NRXN1: variants seen among roughly 807,000 people sequenced by gnomAD.
The protein encoded by NRXN1 is neurexin-1.
NRXN1 carries 39 observed loss-of-function variants against 150.9 expected under a neutral mutation model. The ratio of observed to expected loss-of-function variants is 0.26; its 90% CI spans 0.20 to 0.34. The LOEUF (loss-of-function observed/expected upper bound fraction) is 0.34, where lower values mean the gene tolerates loss of function less well. Ranked by LOEUF, NRXN1 falls within the 10% of genes least tolerant of loss-of-function variation. The pLI, the probability that NRXN1 is intolerant of heterozygous loss-of-function variation, is 1.00. For synonymous variants in NRXN1, 924 were observed against 757.0 expected (o/e 1.22, Z -3.62); for missense variants, 1,815 against 1,949.9 (o/e 0.93, Z 1.30).
At chr2:50,981,911 AT>A (rs1278176711) in intron 2 of NRXN1, among the ~76,000 whole-genome samples, 8 of 151,944 alleles carry the variant, frequency 5.3e-5, no homozygotes, top group Non-Finnish European at 4.4e-5. Context: ...ACAATGGTTA[AT>A]GGTATTAATA....
chr2:50,671,092 A>G (rs1043970655), intron 5 of NRXN1, among the ~76,000 whole-genome samples: 2 of 151,758 alleles, frequency 1.3e-5, no homozygotes, highest in Non-Finnish European at 3.0e-5. Context: ...TCTTTTTTGT[A>G]ATTCAAAATG....
At chr2:50,083,295 C>G in intron 19 of NRXN1, among the ~76,000 whole-genome samples, 1 of 152,112 alleles carries the variant, frequency 6.6e-6, no homozygotes, top group East Asian at 1.9e-4. Context: ...TCTGTTTTAC[C>G]ACAACTCTTA....
chr2:50,536,003 A>G (rs17536805), intron 10 of NRXN1, among the ~76,000 whole-genome samples: 11,601 of 152,258 alleles, frequency 0.076, 595 homozygotes, highest in Non-Finnish European at 0.11. Flanking sequence ...GATCAACAAC[A>G]GCCTTAAGTG....
intron 5 of NRXN1, among the ~76,000 whole-genome samples, chr2:50,678,700 G>C (rs1219581744): frequency 6.6e-6 from 1 of 152,080 alleles, no homozygotes; most frequent in African/African-American, 2.4e-5. Flanking sequence ...TTCGTTGCTA[G>C]TGCAGATAAT....
chr2:50,965,730 C>A (rs1693962799), intron 2 of NRXN1, among the ~76,000 whole-genome samples: 1 of 151,214 alleles, frequency 6.6e-6, no homozygotes, highest in South Asian at 2.1e-4. Flanking sequence ...GTCCTAACAA[C>A]TTTTATTCAC....
At chr2:50,880,768 T>C (rs1312564047) in intron 5 of NRXN1, among the ~76,000 whole-genome samples, 3 of 151,938 alleles carry the variant, frequency 2.0e-5, no homozygotes, top group African/African-American at 7.2e-5. Flanking sequence ...CCCAGGTCTA[T>C]AGAAATACAC....
At chr2:50,647,967 A>T (rs1264737450) in intron 5 of NRXN1, among the ~76,000 whole-genome samples, 2 of 151,980 alleles carry the variant, frequency 1.3e-5, no homozygotes, top group East Asian at 1.9e-4. Flanking sequence ...TAAAGGAAAC[A>T]GACCAAAATG....
intron 18 of NRXN1, among the ~76,000 whole-genome samples, chr2:50,128,475 CAG>C (rs1289356724): frequency 6.6e-6 from 1 of 152,152 alleles, no homozygotes; most frequent in East Asian, 1.9e-4. Flanking sequence ...CAATAAAAGG[CAG>C]AGTTTAAATT....
At chr2:50,689,091 A>G (rs1252292871) in intron 5 of NRXN1, among the ~76,000 whole-genome samples, 1 of 152,166 alleles carries the variant, frequency 6.6e-6, no homozygotes, top group Non-Finnish European at 1.5e-5. Flanking sequence ...CTATTTTAGG[A>G]TATGCATTGA....
At chr2:50,135,727 A>C (rs1438315813) in intron 18 of NRXN1, among the ~76,000 whole-genome samples, 2 of 152,062 alleles carry the variant, frequency 1.3e-5, no homozygotes, top group Non-Finnish European at 2.9e-5. Flanking sequence ...AAAACAAAAC[A>C]AAAAAAGAAG....
intron 17 of NRXN1, among the ~76,000 whole-genome samples, chr2:50,373,707 G>C (rs548054261): frequency 1.1e-4 from 15 of 137,266 alleles, no homozygotes; most frequent in African/African-American, 2.6e-4. Flanking sequence ...AAGAAAGAAA[G>C]AAAGAGAAAG....
intron 2 of NRXN1, among the ~76,000 whole-genome samples, chr2:50,961,932 C>T (rs757047300): frequency 6.7e-6 from 1 of 149,846 alleles, no homozygotes; most frequent in Non-Finnish European, 1.5e-5. Flanking sequence ...GCTATTACAA[C>T]TGAGAATAAT....
chr2:50,566,409 ATTT>A (rs35437819), intron 8 of NRXN1, among the ~76,000 whole-genome samples: 1 of 130,074 alleles, frequency 7.7e-6, no homozygotes. Context: ...ACGCCCAGCT[ATTT>A]TTTTTTTTTT....
intron 18 of NRXN1, among the ~76,000 whole-genome samples, chr2:50,234,853 C>T (rs1414222095): frequency 6.6e-6 from 1 of 151,998 alleles, no homozygotes; most frequent in African/African-American, 2.4e-5. Context: ...TATCAGAAAT[C>T]CATGGCTCGT....
intron 17 of NRXN1, among the ~76,000 whole-genome samples, chr2:50,274,572 G>A (rs1043919587): frequency 6.6e-6 from 1 of 152,184 alleles, no homozygotes; most frequent in African/African-American, 2.4e-5. Flanking sequence ...TTTAAAAAAA[G>A]AGACTATTGC....
At chr2:50,072,593 T>C (rs2152670295) in intron 19 of NRXN1, among the ~76,000 whole-genome samples, 1 of 142,172 alleles carries the variant, frequency 7.0e-6, no homozygotes, top group East Asian at 2.0e-4. Context: ...GCTTGCTAAA[T>C]AGTCATGGCA....
At chr2:50,107,596 GA>G (rs1241008438) in intron 18 of NRXN1, among the ~76,000 whole-genome samples, 2 of 130,072 alleles carry the variant, frequency 1.5e-5, no homozygotes, top group Non-Finnish European at 3.3e-5. Context: ...TGGATTGTAA[GA>G]AAAAAAAACT....
chr2:50,996,080 T>A (rs1304349565), intron 2 of NRXN1, among the ~76,000 whole-genome samples: 1 of 152,086 alleles, frequency 6.6e-6, no homozygotes, highest in Admixed American at 6.6e-5. Flanking sequence ...GTGAGCAGGT[T>A]CTGCAAGGAG....
chr2:50,474,683 C>CAAA (rs754558377), intron 15 of NRXN1, among the ~76,000 whole-genome samples: 12,690 of 54,880 alleles, frequency 0.23, 2,255 homozygotes, highest in Non-Finnish European at 0.29. Context: ...ACAGAAATAG[C>CAAA]AAAAAAAAAA....
Sources: allele counts gnomAD v4.1 joint callset (sites outside exome capture counted in the v4.1 genomes callset), GRCh38; gene constraint gnomAD v4.1.1; transcripts MANE v1.5; gene names NCBI Gene and HGNC (gene_info 2026-07-23, HGNC 2026-07-21).